The following CCDC180 variants were observed in gnomAD, a reference collection of about 807,000 sequenced individuals.
The protein encoded by CCDC180 is coiled-coil domain-containing protein 180.
CCDC180 carries 154 observed loss-of-function variants against 209.2 expected under a neutral mutation model. The ratio of observed to expected loss-of-function variants is 0.74; its 90% CI spans 0.65 to 0.84. The LOEUF (loss-of-function observed/expected upper bound fraction) is 0.84. CCDC180 is among the 40% of genes least tolerant of loss of function. The pLI, the probability that CCDC180 is intolerant of heterozygous loss-of-function variation, is 0.00. For synonymous variants in CCDC180, 778 were observed against 749.1 expected (o/e 1.04, Z -0.63); for missense variants, 1,874 against 1,997.3 (o/e 0.94, Z 1.18).
At chr9:97,365,812 C>A (rs1826904702) in intron 30 of CCDC180, 73 bp downstream of exon 30, 2 of 1,342,340 alleles carry the variant, frequency 1.5e-6, no homozygotes, top group Non-Finnish European at 2.1e-6. Context: ...CTGATCATGG[C>A]CGCTTGGGGG....
At chr9:97,350,236 A>G (rs1481880341) in intron 21 of CCDC180, among the ~76,000 whole-genome samples, 173 bp from the exon 22 acceptor site, 2 of 119,314 alleles carry the variant, frequency 1.7e-5, no homozygotes, top group Admixed American at 1.7e-4. Context: ...TGCCCCTCCC[A>G]TGTCCCCAGG....
rs749569572 is a variant in CCDC180 at position 97,330,354 on chromosome 9, A to G, written c.1861A>G (p.Lys621Glu). The G allele has an allele frequency of 3.0e-5, 48 of 1,613,970 alleles. No individual in the cohort carries two copies. The highest frequency in any genetic ancestry group is 5.0e-5 in the Admixed American group (3 of 59,986). The change falls in exon 18 of 37, where the codon AAA (lysine) becomes GAA (glutamate). Residue 621 changes from lysine (K) to glutamate (E), a missense_variant. Lys to Glu is a moderately conservative substitution (Grantham distance 56). Transcript: ENST00000529487. ...TGAAAAACCCTCCCAGAAGAGAGTG[A>G]AAAAACTGAGGAAGAAGCAAGGGTC... ...AHEKPSQKRV[K>E]KLRKKQGSKE...
rs1286772118 is a variant in CCDC180, at chr9:97,349,175, G to C, written c.2739G>C (p.Lys913Asn). The stretch of plus-strand genomic sequence containing the variant: ...GTGCTGGGGTGACCGAGACGCTGAA[G>C]AAGAAGCGGCTGATGTTCTGCCAGT... ...SHCAGVTETL[K>N]KKRLMFCQFQ... is the part of the protein sequence containing the mutation. Residue 913 changes from lysine to asparagine, a missense_variant, in exon 21 of 37, where the codon AAG becomes AAC. Coordinates refer to ENST00000529487, the MANE Select transcript of CCDC180 (RefSeq NM_020893.6). The C allele has an allele frequency of 6.5e-7, 1 of 1,536,420 alleles. No homozygotes were observed.
In CCDC180 at chr9:97,370,787, T is replaced by C. The variant is rs1007503618; in HGVS notation, c.4488+9T>C. On this transcript the variant is annotated intron_variant, in intron 33 of 36. Coordinates refer to ENST00000529487, the MANE Select transcript of CCDC180 (RefSeq NM_020893.6). Reference sequence around the variant, plus strand: ...ACAAGGAGAAGCTGGAGGTCAGTGATACCATTGATTCGCCAGTCCAGGCAT... The same window carrying C: ...ACAAGGAGAAGCTGGAGGTCAGTGACACCATTGATTCGCCAGTCCAGGCAT... 1.9e-6 allele frequency: 3 copies of C among 1,613,304 alleles called. No homozygotes were observed. In the East Asian group the frequency reaches 6.7e-5, roughly 36 times the overall value.
intron 22 of CCDC180, among the ~76,000 whole-genome samples, chr9:97,352,631 C>T (rs1564048): frequency 0.21 from 32,134 of 152,048 alleles, 3,653 homozygotes; most frequent in East Asian, 0.4. Flanking sequence ...TGGGCACCTT[C>T]CATGTCAGTA....
chr9:97,343,161 G>C (rs562774696), intron 18 of CCDC180, among the ~76,000 whole-genome samples, 179 bp from the exon 19 acceptor site: 1 of 152,240 alleles, frequency 6.6e-6, no homozygotes, highest in East Asian at 1.9e-4. Flanking sequence ...CCAGATTTTT[G>C]TGTAGAACTT....
intron 36 of CCDC180, chr9:97,375,958 C>T: frequency 4.1e-6 from 1 of 241,506 alleles, no homozygotes; most frequent in East Asian, 9.0e-5. Context: ...GCAGTCACAG[C>T]TCCTGAGAAC....
At chr9:97,355,096 T>C (rs1826540214) in intron 24 of CCDC180, 88 bp downstream of exon 24, 4 of 828,878 alleles carry the variant, frequency 4.8e-6, no homozygotes, top group Admixed American at 3.9e-5. Flanking sequence ...GCCATTGTGG[T>C]CTCTGTCCCG....
intron 19 of CCDC180, among the ~76,000 whole-genome samples, chr9:97,346,813 G>A (rs943611858): frequency 1.3e-5 from 2 of 152,166 alleles, no homozygotes; most frequent in Non-Finnish European, 2.9e-5. Flanking sequence ...CTAGGTTCAA[G>A]CAATCCTCCT....
At chr9:97,339,626 A>G (rs376139350) in intron 18 of CCDC180, among the ~76,000 whole-genome samples, 43 of 152,086 alleles carry the variant, frequency 2.8e-4, no homozygotes, top group African/African-American at 8.2e-4. Context: ...GCATCTGACA[A>G]TTGTGTGTCT....
At chr9:97,371,973 A>T in intron 34 of CCDC180, 1 of 264,632 alleles carries the variant, frequency 3.8e-6, no homozygotes. Flanking sequence ...GTATGACAGG[A>T]GAGCTAGAAG....
At chr9:97,338,891 T>C (rs1825990227) in intron 18 of CCDC180, among the ~76,000 whole-genome samples, 1 of 152,252 alleles carries the variant, frequency 6.6e-6, no homozygotes, top group East Asian at 1.9e-4. Flanking sequence ...CTTGTTGAAT[T>C]GATCCCTTTA....
intron 3 of CCDC180, among the ~76,000 whole-genome samples, chr9:97,310,492 C>T (rs1832946964): frequency 6.6e-6 from 1 of 152,116 alleles, no homozygotes; most frequent in African/African-American, 2.4e-5. Context: ...CATTTCAGTT[C>T]GCTGAGCTCT....
At chr9:97,319,026 C>T (rs112557912) in intron 10 of CCDC180, among the ~76,000 whole-genome samples, 17 of 152,242 alleles carry the variant, frequency 1.1e-4, no homozygotes, top group African/African-American at 4.1e-4. Context: ...GTGGGTCCAA[C>T]CAGCCCTGAT....
intron 9 of CCDC180, among the ~76,000 whole-genome samples, chr9:97,317,717 T>G (rs950153806): frequency 6.6e-6 from 1 of 152,172 alleles, no homozygotes; most frequent in African/African-American, 2.4e-5. Flanking sequence ...TGTCCATGCT[T>G]CTTCTGCCAA....
chr9:97,330,839 G>A (rs750285111), intron 18 of CCDC180, 72 bp downstream of exon 18: 289 of 1,377,152 alleles, frequency 2.1e-4, no homozygotes, highest in Non-Finnish European at 2.7e-4. Context: ...TATCCCTAGT[G>A]TAAGCTGGGG....
At chr9:97,349,808 C>T (rs181379164) in intron 21 of CCDC180, among the ~76,000 whole-genome samples, 5 of 152,198 alleles carry the variant, frequency 3.3e-5, no homozygotes, top group African/African-American at 9.6e-5. Flanking sequence ...CAAGTGTCTA[C>T]GCAGCCATCA....
At chr9:97,350,656 A>G (rs1479033403) in intron 22 of CCDC180, 101 bp downstream of exon 22, 1 of 1,253,602 alleles carries the variant, frequency 8.0e-7, no homozygotes, top group Non-Finnish European at 1.1e-6. Flanking sequence ...AAATAAACGT[A>G]ACATCAAACT....
At position 97,342,354 on chromosome 9, in the gene CCDC180, A is replaced by C. The variant is rs527370558; in HGVS notation, c.2275-986A>C. ...TTTTTAGTAGAGACAGGGTTTCACC[A>C]TGTTTCCCAGGCTGGTCTCAAACTC... On this transcript the variant is annotated intron_variant, in intron 18 of 36. Coordinates refer to ENST00000529487, the MANE Select transcript of CCDC180 (RefSeq NM_020893.6). Among the ~76,000 whole-genome samples, 5 of 152,272 alleles carry C rather than the reference A, an allele frequency of 3.3e-5. No homozygotes were observed. In the South Asian group the frequency reaches 8.3e-4, roughly 25 times the overall value.
Sources: allele counts gnomAD v4.1 joint callset (sites outside exome capture counted in the v4.1 genomes callset), GRCh38; gene constraint gnomAD v4.1.1; transcripts MANE v1.5; gene names NCBI Gene and HGNC (gene_info 2026-07-23, HGNC 2026-07-21).